DLGAP1: variants seen among roughly 807,000 people sequenced by gnomAD.
DLGAP1 encodes the protein DLG associated protein 1.
DLGAP1 carries 11 observed loss-of-function variants against 90.8 expected under a neutral mutation model. The observed-to-expected ratio is 0.12, with a 90% CI of 0.08 to 0.20. The LOEUF (loss-of-function observed/expected upper bound fraction) is 0.20, where lower values mean the gene tolerates loss of function less well. DLGAP1 is among the 10% of genes least tolerant of loss of function. DLGAP1 has a pLI of 1.00. For missense variants in DLGAP1, 1,050 were observed against 1,333.8 expected (o/e 0.79, Z 3.31); for synonymous variants, 558 against 540.7 (o/e 1.03, Z -0.44).
chr18:3,889,963 C>T (rs1214475580), intron 3 of DLGAP1, among the ~76,000 whole-genome samples: 1 of 152,222 alleles, frequency 6.6e-6, no homozygotes. Flanking sequence ...ACAGAAGCTG[C>T]CTAATGGCCT....
intron 7 of DLGAP1, among the ~76,000 whole-genome samples, chr18:3,695,759 T>C (rs891158065): frequency 6.6e-6 from 1 of 152,232 alleles, no homozygotes; most frequent in African/African-American, 2.4e-5. Context: ...GGTGGCTTGA[T>C]GGGGATAGCA....
intron 9 of DLGAP1, among the ~76,000 whole-genome samples, chr18:3,545,223 G>A (rs548104391): frequency 1.3e-5 from 2 of 151,878 alleles, no homozygotes; most frequent in South Asian, 2.1e-4. Context: ...GCAGTGAGCC[G>A]AGATCACGCC....
intron 5 of DLGAP1, among the ~76,000 whole-genome samples, chr18:3,786,048 C>T (rs2065434515): frequency 6.6e-6 from 1 of 152,194 alleles, no homozygotes; most frequent in South Asian, 2.1e-4. Context: ...TCCAACTCTG[C>T]TTCTGCTGTC....
At chr18:3,680,021 C>T (rs538189037) in intron 7 of DLGAP1, 2 of 151,932 alleles carry the variant, frequency 1.3e-5, no homozygotes, top group Admixed American at 6.6e-5. Flanking sequence ...CTATTTCCCA[C>T]GAGAATAGCA....
intron 1 of DLGAP1, among the ~76,000 whole-genome samples, chr18:4,163,339 T>C (rs1379665195): frequency 6.6e-6 from 1 of 152,200 alleles, no homozygotes; most frequent in Non-Finnish European, 1.5e-5. Context: ...GAAAAGTCTA[T>C]GAGCTTAGCA....
At chr18:4,126,290 A>G (rs1308089544) in intron 2 of DLGAP1, among the ~76,000 whole-genome samples, 1 of 152,216 alleles carries the variant, frequency 6.6e-6, no homozygotes, top group Non-Finnish European at 1.5e-5. Flanking sequence ...CCTTAAGTGC[A>G]GAGATAGCAA....
intron 4 of DLGAP1, among the ~76,000 whole-genome samples, chr18:3,856,370 G>A (rs1320997701): frequency 6.6e-6 from 1 of 152,080 alleles, no homozygotes. Flanking sequence ...GTCAAAATAA[G>A]GTTGAATGCA....
At chr18:4,248,865 C>G (rs1305900119) in intron 1 of DLGAP1, 2 of 152,554 alleles carry the variant, frequency 1.3e-5, no homozygotes, top group Non-Finnish European at 2.9e-5. Flanking sequence ...CCCCGCCGGC[C>G]ACATCCTTGT....
intron 8 of DLGAP1, among the ~76,000 whole-genome samples, chr18:3,574,113 T>C (rs1704581837): frequency 6.6e-6 from 1 of 152,260 alleles, no homozygotes; most frequent in South Asian, 2.1e-4. Context: ...AAGAATCTTT[T>C]ATAGTTTTTC....
intron 1 of DLGAP1, among the ~76,000 whole-genome samples, chr18:4,446,980 T>A (rs1010619893): frequency 3.3e-5 from 5 of 152,166 alleles, no homozygotes; most frequent in Non-Finnish European, 7.4e-5. Context: ...TACAATGAGA[T>A]ATCATTTCAT....
chr18:3,910,653 G>A (rs1261413510), intron 3 of DLGAP1, among the ~76,000 whole-genome samples: 3 of 152,120 alleles, frequency 2.0e-5, no homozygotes, highest in African/African-American at 4.8e-5. Flanking sequence ...TTGGCGATTC[G>A]GAATCATTGC....
At chr18:4,405,437 A>G (rs991092721) in intron 1 of DLGAP1, among the ~76,000 whole-genome samples, 5 of 152,212 alleles carry the variant, frequency 3.3e-5, no homozygotes, top group Non-Finnish European at 7.3e-5. Context: ...AAAAAAAAAC[A>G]TATTTCCTTA....
chr18:4,165,763 G>A (rs1450099353), intron 1 of DLGAP1, among the ~76,000 whole-genome samples: 1 of 152,134 alleles, frequency 6.6e-6, no homozygotes, highest in African/African-American at 2.4e-5. Flanking sequence ...AATATCCAGA[G>A]CAACCACTAC....
chr18:4,209,546 T>A (rs956093346), intron 1 of DLGAP1, among the ~76,000 whole-genome samples: 1 of 152,190 alleles, frequency 6.6e-6, no homozygotes, highest in African/African-American at 2.4e-5. Context: ...ACTCTCCTGT[T>A]TTAATTTAGT....
At chr18:3,599,427 G>A (rs765970615) in intron 7 of DLGAP1, among the ~76,000 whole-genome samples, 42 of 152,188 alleles carry the variant, frequency 2.8e-4, no homozygotes, top group Non-Finnish European at 5.6e-4. Flanking sequence ...AATAGTTTCC[G>A]AGGTCAAGTT....
intron 2 of DLGAP1, among the ~76,000 whole-genome samples, chr18:4,040,286 T>A (rs995816228): frequency 6.6e-6 from 1 of 152,228 alleles, no homozygotes; most frequent in East Asian, 1.9e-4. Context: ...AGTTAATATA[T>A]GTAAACAGCT....
In DLGAP1 at chr18:3,879,921, G is replaced by A. The variant is rs781481052; in HGVS notation, c.148C>T (p.Arg50Trp). ...ACGCACTCAGCCTGGAAGGAGTTCCGCTGGGTGTAGTATGGGTGGTCTGCG... is the reference window on the plus strand; with the variant it reads ...ACGCACTCAGCCTGGAAGGAGTTCCACTGGGTGTAGTATGGGTGGTCTGCG... ...HPADHPYYTQRNSFQAECVGP... is the reference protein window; with the variant it reads ...HPADHPYYTQWNSFQAECVGP... Residue 50 changes from arginine to tryptophan, a missense_variant, in exon 4 of 13, where the codon CGG becomes TGG. Physicochemically the swap from Arg to Trp is moderately radical, Grantham distance 101. Coordinates refer to ENST00000315677, the MANE Select transcript of DLGAP1 (RefSeq NM_004746.4). The surrounding 1 kb of genome is among the most constrained non-coding windows in gnomAD (Gnocchi z 6.6). 9.3e-6 allele frequency: 15 copies of A among 1,612,634 alleles called. No homozygotes were observed. The East Asian group carries it at 2.7e-4, about 29-fold the overall frequency.
intron 1 of DLGAP1, among the ~76,000 whole-genome samples, chr18:4,385,946 T>C (rs1272874636): frequency 6.6e-6 from 1 of 152,146 alleles, no homozygotes; most frequent in African/African-American, 2.4e-5. Context: ...ATGAAAGCTT[T>C]TCAAGCACAG....
chr18:3,949,799 G>A (rs1019471910), intron 3 of DLGAP1, among the ~76,000 whole-genome samples: 1 of 152,214 alleles, frequency 6.6e-6, no homozygotes, highest in Non-Finnish European at 1.5e-5. Context: ...TTTATAATAT[G>A]GGTGAGATGT....
Sources: gnomAD v4.1 joint callset for allele counts (sites outside exome capture counted in the v4.1 genomes callset) on GRCh38, gnomAD v4.1.1 for gene constraint, Gnocchi (gnomAD v3.1) non-coding constraint, MANE v1.5 for transcripts, NCBI Gene and HGNC (gene_info 2026-07-23, HGNC 2026-07-21) for gene names.